Variants in SCUBE2 observed in about 807,000 individuals in gnomAD.
SCUBE2 encodes signal peptide, CUB and EGF-like domain-containing protein 2.
Under a neutral mutation model 125.9 loss-of-function variants are expected in SCUBE2, and 114 were observed. The observed-to-expected ratio is 0.91, with a 90% CI of 0.78 to 1.06. The LOEUF is 1.06. SCUBE2 is among the 50% of genes least tolerant of loss of function. The pLI is 0.00. For missense variants in SCUBE2, 1,255 were observed against 1,301.8 expected, an observed-to-expected ratio of 0.96 and a Z score of 0.55; for synonymous variants, 459 against 492.9, an observed-to-expected ratio of 0.93 and a Z score of 0.91.
At chr11:9,052,716 CCA>C (rs1394292398) in intron 13 of SCUBE2, 28 bp downstream of exon 13, 83 of 1,488,170 alleles carry the variant, frequency 5.6e-5, no homozygotes, top group Non-Finnish European at 7.3e-5. Context: ...CAGTGAGCCC[CCA>C]GAGAGAACAC....
At chr11:9,064,332 T>G (rs180694959) in intron 7 of SCUBE2, among the ~76,000 whole-genome samples, 2 of 152,102 alleles carry the variant, frequency 1.3e-5, no homozygotes, top group East Asian at 3.9e-4. Flanking sequence ...CCAGGCGCAG[T>G]GGCACATGCC....
chr11:9,045,654 C>G (rs1246285389), intron 16 of SCUBE2, among the ~76,000 whole-genome samples: 4 of 145,250 alleles, frequency 2.8e-5, no homozygotes, highest in South Asian at 2.3e-4. Flanking sequence ...CACACACACA[C>G]AGCCTTGTCT....
At chr11:9,088,729 G>C (rs1255759099) in intron 2 of SCUBE2, among the ~76,000 whole-genome samples, 2 of 152,234 alleles carry the variant, frequency 1.3e-5, no homozygotes, top group Admixed American at 1.3e-4. Flanking sequence ...GGGATACTCA[G>C]AGATGAGTTC....
chr11:9,044,829 A>G lies in SCUBE2; in HGVS notation c.2002+2527T>C, dbSNP rs117971593. 1.6e-3 allele frequency among the ~76,000 whole-genome samples: 251 copies of G among 152,126 alleles called. 5 individuals are homozygous for G. In the East Asian group the frequency reaches 0.041, roughly 25 times the overall value. ...TTTGCCTGAAACTCTCTTCCCCCAG[A>G]TATCTCCATAGCTTGCTTCTTGCTG... On this transcript the variant is annotated intron_variant, in intron 16 of 22. Transcript: ENST00000649792.
intron 5 of SCUBE2, 51 bp downstream of exon 5, chr11:9,069,319 C>G: frequency 6.2e-7 from 1 of 1,604,196 alleles, no homozygotes; most frequent in South Asian, 1.1e-5. Flanking sequence ...CAGAAGGCAG[C>G]CTGTGGAATA....
chr11:9,027,491 G>C lies in SCUBE2; in HGVS notation c.2574C>G (p.Tyr858Ter). 6.2e-7 allele frequency: 1 copy of C among 1,614,114 alleles called. No homozygotes were observed. The highest frequency in any genetic ancestry group is 1.6e-4 in the Middle Eastern group (1 of 6,062). Residue 858 changes from tyrosine (Y) to a stop codon, truncating the protein, a stop_gained, in exon 20 of 23, where the codon TAC becomes TAG. Coordinates refer to ENST00000649792, the MANE Select transcript of SCUBE2 (RefSeq NM_001367977.2). LOFTEE classifies it high-confidence loss of function. The part of the protein sequence containing the change: ...YIESPNYPGN[Y>*]PANTECTWTI... ...TCCACGTACACTCGGTGTTGGCTGG[G>C]TAATTGCCTGGGTAGTTTGGGGATT... is the stretch of plus-strand genomic sequence containing the variant.
At chr11:9,053,023 G>A (rs1397890444) in intron 12 of SCUBE2, 76 bp downstream of exon 12, 4 of 1,332,754 alleles carry the variant, frequency 3.0e-6, no homozygotes, top group Admixed American at 1.8e-5. Flanking sequence ...AGCCCTTTGA[G>A]GGAATCTAAC....
chr11:9,038,468 G>A (rs1250247701), intron 16 of SCUBE2, among the ~76,000 whole-genome samples: 1 of 152,068 alleles, frequency 6.6e-6, no homozygotes. Context: ...GTGAGACCTC[G>A]TCTTTCCAAA....
At chr11:9,038,311 C>T (rs1856911537) in intron 16 of SCUBE2, among the ~76,000 whole-genome samples, 1 of 152,034 alleles carries the variant, frequency 6.6e-6, no homozygotes, top group Non-Finnish European at 1.5e-5. Flanking sequence ...GAACTGTGGC[C>T]AAGAAAGGCC....
In SCUBE2 at chr11:9,036,420, C is replaced by T. The variant is rs550007764; in HGVS notation, c.2003-2624G>A. ...GTTTTACCCTGTGTCCCACTTGACTCTTTCAGTGTCTGTAGCAGGCCAGTA... is the reference window on the plus strand; with the variant it reads ...GTTTTACCCTGTGTCCCACTTGACTTTTTCAGTGTCTGTAGCAGGCCAGTA... On this transcript the variant is annotated intron_variant, in intron 16 of 22. Coordinates refer to ENST00000649792, the MANE Select transcript of SCUBE2 (RefSeq NM_001367977.2). 2.2e-4 allele frequency among the ~76,000 whole-genome samples: 33 copies of T among 152,316 alleles called. No individual in the cohort carries two copies. In the East Asian group the frequency reaches 5.4e-3, roughly 25 times the overall value.
intron 3 of SCUBE2, among the ~76,000 whole-genome samples, chr11:9,078,466 C>T (rs147718984): frequency 2.8e-4 from 42 of 152,372 alleles, no homozygotes; most frequent in African/African-American, 9.9e-4. Flanking sequence ...CAACACACAA[C>T]ACACAAGTTC....
intron 4 of SCUBE2, among the ~76,000 whole-genome samples, chr11:9,072,309 C>T (rs207471647): frequency 2.0e-5 from 3 of 152,114 alleles, no homozygotes; most frequent in Admixed American, 6.5e-5. Context: ...CCCAGGTTCA[C>T]GCCATTCTCC....
intron 20 of SCUBE2, chr11:9,026,700 G>C (rs1463823510): frequency 6.6e-6 from 1 of 152,574 alleles, no homozygotes; most frequent in Non-Finnish European, 1.5e-5. Flanking sequence ...TGGGATTACA[G>C]GTGTGAGCCA....
intron 10 of SCUBE2, among the ~76,000 whole-genome samples, chr11:9,054,129 T>A (rs1858746440): frequency 6.6e-6 from 1 of 151,704 alleles, no homozygotes; most frequent in Non-Finnish European, 1.5e-5. Flanking sequence ...CCCAAGTAGC[T>A]GGGATTACGG....
Position 9,091,381 on chromosome 11 carries a change from C to A in SCUBE2, c.133+15G>T. 1 of 1,303,428 alleles carries A rather than the reference C, an allele frequency of 7.7e-7. No homozygotes were observed. Among genetic ancestry groups the A allele is most frequent in the Non-Finnish European group, 9.7e-7 (1 of 1,031,694 alleles). The allele number at this position is 1,303,428 out of a possible 1,614,324, so 80.7% of individuals were successfully genotyped here. On this transcript the variant is annotated intron_variant, in intron 1 of 22. Coordinates refer to ENST00000649792, the MANE Select transcript of SCUBE2 (RefSeq NM_001367977.2). This position sits in a 1 kb window ranked among gnomAD's most constrained non-coding sequence, Gnocchi z 8.5. ...GCCTGCTGTGCCAGGTGCGCCCCCG[C>A]GGCCGGACACTCACCCTCCTGCGGC...
At chr11:9,059,064 T>C (rs1343274309) in intron 9 of SCUBE2, among the ~76,000 whole-genome samples, 3 of 152,220 alleles carry the variant, frequency 2.0e-5, no homozygotes, top group Non-Finnish European at 2.9e-5. Context: ...TGTCATCACA[T>C]CGATGGGTTC....
In SCUBE2 at chr11:9,030,788, C is replaced by G; in HGVS notation, c.2311G>C (p.Ala771Pro). The change falls in exon 18 of 23, where the codon GCT (alanine) becomes CCT (proline). Residue 771 changes from alanine (A) to proline (P), a missense_variant. Ala to Pro is a conservative substitution (Grantham distance 27). Around this residue, in one of 3 missense-constraint regions of SCUBE2, gnomAD observed 515 missense variants for 515.7 expected, o/e 1.00. Transcript: ENST00000649792. ...GTTTCACAGTCCTGAAAGGAAGTAG[C>G]TCCCTGATGTTTGGTGGCAAGGCCT... ...GGGLATKHQG[A>P]TSFQDCETRV... 3 of 1,614,110 alleles carry G rather than the reference C, an allele frequency of 1.9e-6. No individual in the cohort carries two copies. The highest frequency in any genetic ancestry group is 2.5e-6 in the Non-Finnish European group (3 of 1,179,976).
intron 5 of SCUBE2, among the ~76,000 whole-genome samples, 154 bp downstream of exon 5, chr11:9,069,216 T>C (rs1035689373): frequency 3.3e-5 from 5 of 152,248 alleles, no homozygotes; most frequent in African/African-American, 1.2e-4. Flanking sequence ...CCTTCTGCAG[T>C]GAACAAGTAC....
chr11:9,076,170 G>T (rs561504085), intron 3 of SCUBE2, among the ~76,000 whole-genome samples: 1 of 152,214 alleles, frequency 6.6e-6, no homozygotes, highest in Admixed American at 6.5e-5. Context: ...GTGTGGGAAG[G>T]GAGCAGAAAG....
Sources: gnomAD v4.1 joint callset for allele counts (sites outside exome capture counted in the v4.1 genomes callset) on GRCh38, gnomAD v4.1.1 for gene constraint, gnomAD v4.1.1 regional missense constraint, Gnocchi (gnomAD v3.1) non-coding constraint, MANE v1.5 for transcripts, NCBI Gene and HGNC (gene_info 2026-07-23, HGNC 2026-07-21) for gene names.